The following SLC17A1 variants were observed in gnomAD, a reference collection of about 807,000 sequenced individuals.
SLC17A1 encodes solute carrier family 17 member 1.
In SLC17A1, 51 loss-of-function variants were observed where a neutral mutation model predicts 53.5. That is an observed-to-expected ratio of 0.95 (90% CI 0.76 to 1.20). The LOEUF is 1.20. Among genes scored for constraint, SLC17A1 ranks in the 50% most tolerant of loss-of-function variants. SLC17A1 has a pLI of 0.00. For missense variants in SLC17A1, 538 were observed against 568.2 expected (o/e 0.95, Z 0.54); for synonymous variants, 179 against 198.8 (o/e 0.90, Z 0.84).
chr6:25,803,047 C>T (rs887770502), intron 10 of SLC17A1, among the ~76,000 whole-genome samples: 11 of 148,070 alleles, frequency 7.4e-5, no homozygotes, highest in African/African-American at 1.3e-4. Flanking sequence ...CCCAGGTTCA[C>T]GCCATTCTCC....
chr6:25,823,574 G>A (rs1276770279), intron 3 of SLC17A1, among the ~76,000 whole-genome samples: 1 of 152,016 alleles, frequency 6.6e-6, no homozygotes, highest in Non-Finnish European at 1.5e-5. Context: ...ATGATATACA[G>A]CATCTTTTCA....
chr6:25,786,424 T>G (rs1763383833), intron 12 of SLC17A1, among the ~76,000 whole-genome samples: 1 of 152,124 alleles, frequency 6.6e-6, no homozygotes, highest in South Asian at 2.1e-4. Flanking sequence ...CCACTGCATT[T>G]GAAGTGGACA....
intron 3 of SLC17A1, among the ~76,000 whole-genome samples, chr6:25,824,343 ATCAGTGT>A (rs1268622030): frequency 6.6e-6 from 1 of 151,924 alleles, no homozygotes; most frequent in Non-Finnish European, 1.5e-5. Flanking sequence ...GGTCATCATG[ATCAGTGT>A]GGTACAATTT....
intron 3 of SLC17A1, 106 bp downstream of exon 3, chr6:25,826,355 T>G: frequency 1.1e-6 from 1 of 906,892 alleles, no homozygotes; most frequent in Non-Finnish European, 1.6e-6. Flanking sequence ...AGACTTGAGC[T>G]TCTTTTTCAA....
chr6:25,727,398 G>GTT, the SLC17A1 span: 9 of 888,082 alleles, frequency 1.0e-5, no homozygotes, highest in South Asian at 4.5e-5. Context: ...TAACCGTAAG[G>GTT]GTTTTTTTTT....
In SLC17A1 at chr6:25,798,964, T is replaced by A. The variant is rs1267072087; in HGVS notation, c.1270-45A>T. The A allele has an allele frequency of 2.0e-6, 3 of 1,523,142 alleles. No individual in the cohort carries two copies. The East Asian group carries it at 6.9e-5, about 35-fold the overall frequency. The allele number at this position is 1,523,142 out of a possible 1,614,324, so 94.4% of individuals were successfully genotyped here. On this transcript the variant is annotated intron_variant, in intron 11 of 12. Coordinates refer to ENST00000244527, the MANE Select transcript of SLC17A1 (RefSeq NM_005074.5). ...AGTAATTGTAAATTATTGCTCTTGT[T>A]TTTTTGTTTTGTAATGTTTAAAATG...
chr6:25,779,400 TTTCTGTG>T (rs1763195396), downstream of SLC17A1: 5 of 537,448 alleles, frequency 9.3e-6, no homozygotes, highest in Non-Finnish European at 1.6e-5. Context: ...TGTGTTGAGA[TTTCTGTG>T]TTCTCCACTC....
intron 11 of SLC17A1, among the ~76,000 whole-genome samples, chr6:25,800,337 C>T (rs1017861087): frequency 2.6e-5 from 4 of 152,032 alleles, no homozygotes; most frequent in Non-Finnish European, 2.9e-5. Flanking sequence ...GCTATTCTTT[C>T]ATTTTTAATC....
chr6:25,773,746 C>T, the SLC17A1 span: 9 of 1,511,650 alleles, frequency 6.0e-6, no homozygotes, highest in African/African-American at 1.1e-4. Flanking sequence ...ATATAATCCT[C>T]TGTCTGTCCC....
At chr6:25,803,578 C>A (rs1763857276) in intron 10 of SLC17A1, among the ~76,000 whole-genome samples, 1 of 152,060 alleles carries the variant, frequency 6.6e-6, no homozygotes, top group Non-Finnish European at 1.5e-5. Context: ...AAAATAACAT[C>A]TTGAAAAGAG....
the SLC17A1 span, among the ~76,000 whole-genome samples, chr6:25,758,702 T>G: frequency 6.6e-6 from 1 of 151,990 alleles, no homozygotes; most frequent in African/African-American, 2.4e-5. Context: ...TTAGTGTCGC[T>G]GATGGTCTGG....
the SLC17A1 span, among the ~76,000 whole-genome samples, chr6:25,724,124 T>C: frequency 1.3e-5 from 2 of 152,174 alleles, no homozygotes; most frequent in Non-Finnish European, 2.9e-5. Context: ...GTGTGAAAGT[T>C]CTATAAGAAG....
the SLC17A1 span, chr6:25,768,341 G>A: frequency 7.1e-6 from 7 of 984,136 alleles, no homozygotes; most frequent in Non-Finnish European, 8.4e-6. Flanking sequence ...TACAGGGATA[G>A]TGGATGAATT....
At chr6:25,814,671 A>G (rs1387205150) in intron 6 of SLC17A1, among the ~76,000 whole-genome samples, 1 of 152,200 alleles carries the variant, frequency 6.6e-6, no homozygotes, top group East Asian at 1.9e-4. Flanking sequence ...TGAATTGCCA[A>G]GACAGAAAAA....
At chr6:25,810,473 G>T (rs889649588) in intron 10 of SLC17A1, among the ~76,000 whole-genome samples, 2 of 152,010 alleles carry the variant, frequency 1.3e-5, no homozygotes, top group Non-Finnish European at 2.9e-5. Context: ...CTCAAAAAAA[G>T]ATATACTATC....
the SLC17A1 span, chr6:25,773,735 T>C: frequency 1.9e-6 from 3 of 1,547,946 alleles, no homozygotes; most frequent in Non-Finnish European, 2.6e-6. Flanking sequence ...TGAGAGCTCA[T>C]ATATAATCCT....
the SLC17A1 span, among the ~76,000 whole-genome samples, chr6:25,754,312 AC>A: frequency 1.4e-4 from 22 of 152,250 alleles, no homozygotes; most frequent in Non-Finnish European, 2.9e-4. Flanking sequence ...CATAAAAATC[AC>A]TCAAGTCGAC....
the SLC17A1 span, chr6:25,773,672 G>A: frequency 6.2e-7 from 1 of 1,613,160 alleles, no homozygotes; most frequent in Non-Finnish European, 8.5e-7. Context: ...CAACCTCAGA[G>A]ATGTAAGTAC....
At chr6:25,769,180 T>G in the SLC17A1 span, 1 of 1,613,774 alleles carries the variant, frequency 6.2e-7, no homozygotes, top group South Asian at 1.1e-5. Context: ...CTAAAAGAAT[T>G]TAAAGCAATG....
Sources: allele counts gnomAD v4.1 joint callset (sites outside exome capture counted in the v4.1 genomes callset), GRCh38; gene constraint gnomAD v4.1.1; transcripts MANE v1.5; gene names NCBI Gene and HGNC (gene_info 2026-07-23, HGNC 2026-07-21).